GPR161: variants seen among roughly 807,000 people sequenced by gnomAD.
GPR161 encodes the protein G protein-coupled receptor 161, also known as G-protein coupled receptor RE2.
Under a neutral mutation model 39.2 loss-of-function variants are expected in GPR161, and 25 were observed. The observed-to-expected ratio is 0.64, with a 90% CI of 0.47 to 0.89. The LOEUF (loss-of-function observed/expected upper bound fraction) is 0.89, where lower values mean the gene tolerates loss of function less well. GPR161 is among the 40% of genes least tolerant of loss of function. GPR161 has a pLI of 0.00. For synonymous variants in GPR161, 286 were observed against 276.6 expected (o/e 1.03, Z -0.34); for missense variants, 547 against 677.8 (o/e 0.81, Z 2.14).
At chr1:168,090,328 C>T (rs547313638) in intron 4 of GPR161, 11 of 425,126 alleles carry the variant, frequency 2.6e-5, no homozygotes, top group African/African-American at 1.0e-4. Flanking sequence ...TAACACCGTG[C>T]GGCAGAGAGA....
upstream of GPR161, chr1:168,137,355 C>T (rs1699466629): frequency 6.5e-7 from 1 of 1,535,838 alleles, no homozygotes; most frequent in Admixed American, 2.0e-5. Context: ...TCCAGTCCCG[C>T]CGTGGACGAT....
chr1:168,136,116 C>A, intron 1 of GPR161: 2 of 1,260,226 alleles, frequency 1.6e-6, no homozygotes, highest in Non-Finnish European at 2.0e-6. Context: ...TTCCAAGAAC[C>A]AGCCGAATCT....
At chr1:168,092,653 G>A (rs1025323275) in intron 3 of GPR161, among the ~76,000 whole-genome samples, 4 of 152,160 alleles carry the variant, frequency 2.6e-5, no homozygotes, top group African/African-American at 7.2e-5. Context: ...TGAAAGAACA[G>A]GGGTGTGATT....
chr1:168,127,440 C>T (rs60504827), intron 1 of GPR161, among the ~76,000 whole-genome samples: 23,091 of 151,564 alleles, frequency 0.15, 1,934 homozygotes, highest in African/African-American at 0.22. Flanking sequence ...GCCAAGATGG[C>T]GCCACTGCAC....
At chr1:168,129,270 G>T (rs1698815581) in intron 1 of GPR161, among the ~76,000 whole-genome samples, 1 of 152,212 alleles carries the variant, frequency 6.6e-6, no homozygotes, top group Non-Finnish European at 1.5e-5. Flanking sequence ...CCCTTGCAAA[G>T]CCCTGAGGCT....
At chr1:168,109,081 A>G (rs1200689343) in intron 1 of GPR161, among the ~76,000 whole-genome samples, 2 of 152,204 alleles carry the variant, frequency 1.3e-5, no homozygotes, top group Non-Finnish European at 2.9e-5. Flanking sequence ...CCCAAAATGC[A>G]GTCAGAAAGA....
chr1:168,086,217 T>G (rs1379982622), intron 5 of GPR161, among the ~76,000 whole-genome samples: 2 of 152,152 alleles, frequency 1.3e-5, no homozygotes, highest in Non-Finnish European at 2.9e-5. Flanking sequence ...GTAACAAAAC[T>G]TCCACAAACC....
rs149690798 is a variant in GPR161, at chr1:168,093,212, G to T, written c.1100-2544C>A. Among the ~76,000 whole-genome samples, 325 of 152,250 alleles carry T rather than the reference G, an allele frequency of 2.1e-3. 1 individual carries two copies. Among genetic ancestry groups the T allele is most frequent in the Admixed American group, 5.8e-3 (88 of 15,292 alleles). On this transcript the variant is annotated intron_variant, in intron 3 of 5. Coordinates refer to ENST00000682931, the MANE Select transcript of GPR161 (RefSeq NM_001375883.1). ...GGTGGTGCTGCGTGGCAACCTCCAG[G>T]AAGTCCAGAGATCTAAATTCCTAAG... is the stretch of plus-strand genomic sequence containing the variant.
intron 1 of GPR161, among the ~76,000 whole-genome samples, chr1:168,121,359 G>A (rs1572364940): frequency 1.3e-5 from 2 of 152,254 alleles, no homozygotes; most frequent in East Asian, 1.9e-4. Flanking sequence ...GTTGCGGCAT[G>A]TAGGAAAATG....
chr1:168,108,516 G>T (rs1441233103), intron 1 of GPR161, among the ~76,000 whole-genome samples: 1 of 21,404 alleles, frequency 4.7e-5, no homozygotes, highest in South Asian at 2.1e-3. Context: ...AAAAAAACTG[G>T]AAATAAGTGA....
Position 168,096,785 on chromosome 1 carries a change from C to A in GPR161, c.822G>T (p.Val274=), listed in dbSNP as rs1695589770. The A allele has an allele frequency of 6.2e-7, 1 of 1,614,100 alleles. No homozygotes were observed. Among genetic ancestry groups the A allele is most frequent in the Non-Finnish European group, 8.5e-7 (1 of 1,180,020 alleles). ...NQCKALITIL[V]VLGAFMVTWG... is the part of the protein sequence containing the mutation. ...AGGTGACCATGAAGGCACCGAGGAC[C>A]ACCAGGATGGTGATGAGGGCTTTGC... Residue 274 remains valine, a synonymous_variant, in exon 3 of 6, where the codon GTG becomes GTT. Transcript: ENST00000682931.
rs1485840591 is a variant in GPR161, at chr1:168,082,031, C to G, written c.*3500G>C. On this transcript the variant is annotated 3_prime_UTR_variant, in exon 6 of 6. Transcript: ENST00000682931. The stretch of plus-strand genomic sequence containing the variant: ...AGGGAAATCTGAAGAGACTAACCAT[C>G]TGTCATTGTATCAAAGCATTTTTCC... The G allele has an allele frequency of 6.6e-6, 1 of 152,248 alleles. No homozygotes were observed. Among genetic ancestry groups the G allele is most frequent in the Non-Finnish European group, 1.5e-5 (1 of 68,052 alleles). The allele number at this position is 152,248 out of a possible 1,614,324, so 9.4% of individuals were successfully genotyped here. A position where few individuals can be genotyped will look rare whatever the true frequency, so the allele number is the denominator to read the frequency against.
intron 1 of GPR161, among the ~76,000 whole-genome samples, chr1:168,111,144 C>T (rs890198036): frequency 6.6e-6 from 1 of 152,150 alleles, no homozygotes; most frequent in African/African-American, 2.4e-5. Flanking sequence ...GAAAATCCAA[C>T]GTATGTCCAA....
intron 1 of GPR161, among the ~76,000 whole-genome samples, chr1:168,114,139 T>A (rs906062022): frequency 2.6e-5 from 4 of 152,238 alleles, no homozygotes; most frequent in African/African-American, 7.2e-5. Context: ...GTTCTTTCTA[T>A]TATTTAATTG....
chr1:168,134,979 G>A, intron 1 of GPR161: 17 of 1,535,290 alleles, frequency 1.1e-5, no homozygotes, highest in South Asian at 7.1e-5. Flanking sequence ...CAGAGAGCTC[G>A]CAGCCCTCTG....
chr1:168,123,522 A>C (rs1256001464), intron 1 of GPR161, among the ~76,000 whole-genome samples: 1 of 137,998 alleles, frequency 7.2e-6, no homozygotes. Context: ...ATATAGATAT[A>C]GATATGCACA....
intron 2 of GPR161, among the ~76,000 whole-genome samples, chr1:168,101,104 GTTTCTTTTTTTTTT>G (rs1696057212): frequency 2.3e-5 from 3 of 128,674 alleles, no homozygotes; most frequent in Admixed American, 1.7e-4. Flanking sequence ...TGTCCAGCCA[GTTTCTTTTTTTTTT>G]TTTCTTTTTT....
chr1:168,135,733 C>T (rs1289622673), intron 1 of GPR161, among the ~76,000 whole-genome samples: 1 of 152,192 alleles, frequency 6.6e-6, no homozygotes, highest in Non-Finnish European at 1.5e-5. Flanking sequence ...CTCCCCCAGC[C>T]CCTAGGACGC....
rs767869653 is a variant in GPR161 at position 168,085,753 on chromosome 1, G to C, written c.1368C>G (p.His456Gln). The C allele has an allele frequency of 2.5e-5, 40 of 1,613,834 alleles. No homozygotes were observed. The highest frequency in any genetic ancestry group is 3.2e-5 in the Non-Finnish European group (38 of 1,179,810). ...NSILHVKAEV[H>Q]KSLDSYAASL... Reference sequence around the variant, plus strand: ...TTGCTGCGTAACTGTCCAAGGACTTGTGTACTTCAGCTTTCACATGAAGAA... The same window carrying C: ...TTGCTGCGTAACTGTCCAAGGACTTCTGTACTTCAGCTTTCACATGAAGAA... Residue 456 changes from histidine (H) to glutamine (Q), a missense_variant, in exon 6 of 6, where the codon CAC (histidine) becomes CAG (glutamine). Coordinates refer to ENST00000682931, the MANE Select transcript of GPR161 (RefSeq NM_001375883.1).
Sources: gnomAD v4.1 joint callset for allele counts (sites outside exome capture counted in the v4.1 genomes callset) on GRCh38, gnomAD v4.1.1 for gene constraint, MANE v1.5 for transcripts, NCBI Gene and HGNC (gene_info 2026-07-23, HGNC 2026-07-21) for gene names.